PPARGC1A: variants seen among roughly 807,000 people sequenced by gnomAD.
The protein encoded by PPARGC1A is PPARG coactivator 1 alpha, also known as peroxisome proliferator-activated receptor gamma coactivator 1-alpha.
Under a neutral mutation model 88.7 loss-of-function variants are expected in PPARGC1A, and 25 were observed. The ratio of observed to expected loss-of-function variants is 0.28; its 90% CI spans 0.21 to 0.39. The LOEUF is 0.39. PPARGC1A is among the 10% of genes least tolerant of loss of function. The pLI, the probability that PPARGC1A is intolerant of heterozygous loss-of-function variation, is 1.00. For synonymous variants in PPARGC1A, 363 were observed against 355.6 expected (o/e 1.02, Z -0.24); for missense variants, 880 against 968.7 (o/e 0.91, Z 1.22).
chr4:23,910,584 G>A, the PPARGC1A span, among the ~76,000 whole-genome samples: 2 of 148,996 alleles, frequency 1.3e-5, no homozygotes, highest in South Asian at 2.1e-4. Flanking sequence ...GGGATAAGAG[G>A]TAGGTGCCAC....
At chr4:24,144,239 T>C in the PPARGC1A span, among the ~76,000 whole-genome samples, 1 of 152,228 alleles carries the variant, frequency 6.6e-6, no homozygotes, top group South Asian at 2.1e-4. Context: ...GTAACTGTTT[T>C]GATTACCTTA....
At chr4:24,298,833 T>G in the PPARGC1A span, among the ~76,000 whole-genome samples, 3 of 152,322 alleles carry the variant, frequency 2.0e-5, no homozygotes, top group South Asian at 6.2e-4. Context: ...CTGGTATCTG[T>G]CGTACAAATT....
At chr4:24,149,654 A>G in the PPARGC1A span, among the ~76,000 whole-genome samples, 16 of 152,186 alleles carry the variant, frequency 1.1e-4, no homozygotes, top group Non-Finnish European at 1.9e-4. Flanking sequence ...CTAATGGTCC[A>G]ATAGATGCAG....
upstream of PPARGC1A, among the ~76,000 whole-genome samples, chr4:23,892,132 T>C (rs531019534): frequency 6.6e-6 from 1 of 152,348 alleles, no homozygotes; most frequent in African/African-American, 2.4e-5. Flanking sequence ...GTTCTTTACA[T>C]TAGAACAGGC....
upstream of PPARGC1A, among the ~76,000 whole-genome samples, chr4:23,894,106 C>T (rs1280367567): frequency 1.3e-5 from 2 of 152,098 alleles, no homozygotes; most frequent in Non-Finnish European, 2.9e-5. Context: ...ATCCTCAAAT[C>T]AAAGCCATAG....
chr4:24,171,184 G>C, the PPARGC1A span, among the ~76,000 whole-genome samples: 3 of 152,096 alleles, frequency 2.0e-5, no homozygotes, highest in African/African-American at 7.2e-5. Context: ...CACTGAGACC[G>C]GCGGATCGGT....
chr4:24,102,049 G>A, the PPARGC1A span, among the ~76,000 whole-genome samples: 2 of 152,226 alleles, frequency 1.3e-5, no homozygotes, highest in African/African-American at 2.4e-5. Flanking sequence ...ATGGCTGCAC[G>A]ACCCCAGGGA....
At chr4:24,244,237 C>T in the PPARGC1A span, among the ~76,000 whole-genome samples, 2 of 152,096 alleles carry the variant, frequency 1.3e-5, no homozygotes, top group Non-Finnish European at 2.9e-5. Context: ...AGGACAAAAG[C>T]AGAATTGAGC....
At chr4:24,341,939 C>T in the PPARGC1A span, among the ~76,000 whole-genome samples, 1 of 152,166 alleles carries the variant, frequency 6.6e-6, no homozygotes, top group Admixed American at 6.5e-5. Context: ...CAGCCTACGA[C>T]GGGTCTGCTC....
the PPARGC1A span, among the ~76,000 whole-genome samples, chr4:24,311,057 G>A: frequency 7.1e-6 from 1 of 140,416 alleles, no homozygotes; most frequent in Admixed American, 7.1e-5. Flanking sequence ...TAAGATATAC[G>A]ACATAGAATA....
the PPARGC1A span, among the ~76,000 whole-genome samples, chr4:24,236,375 C>T: frequency 6.6e-6 from 1 of 152,208 alleles, no homozygotes; most frequent in East Asian, 1.9e-4. Flanking sequence ...AGCAATGATA[C>T]CTCCCTTTAT....
the PPARGC1A span, among the ~76,000 whole-genome samples, chr4:24,221,800 T>C: frequency 2.4e-5 from 2 of 81,702 alleles, no homozygotes; most frequent in African/African-American, 6.1e-5. Flanking sequence ...TTCAAAAGCT[T>C]GACAATGAAT....
At chr4:24,233,351 CTCTG>C in the PPARGC1A span, among the ~76,000 whole-genome samples, 370 of 152,266 alleles carry the variant, frequency 2.4e-3, 2 homozygotes, top group African/African-American at 8.4e-3. Context: ...AGAGTTCTCT[CTCTG>C]TCTTTCTCTC....
chr4:23,887,883 C>G (rs3774903), intron 1 of PPARGC1A, among the ~76,000 whole-genome samples: 16,112 of 151,908 alleles, frequency 0.11, 1,464 homozygotes, highest in East Asian at 0.42. Context: ...GAATGACAGT[C>G]TTAGTGGGGT....
At chr4:24,070,486 C>T in the PPARGC1A span, among the ~76,000 whole-genome samples, 72 of 152,268 alleles carry the variant, frequency 4.7e-4, no homozygotes, top group African/African-American at 9.9e-4. Context: ...AAAGATCACA[C>T]ACAGAACTTG....
the PPARGC1A span, among the ~76,000 whole-genome samples, chr4:23,993,757 T>C: frequency 1.3e-5 from 2 of 152,118 alleles, no homozygotes; most frequent in Non-Finnish European, 2.9e-5. Flanking sequence ...TACTTACCAA[T>C]GAAATCACCA....
At chr4:24,303,401 C>T in the PPARGC1A span, among the ~76,000 whole-genome samples, 1 of 152,102 alleles carries the variant, frequency 6.6e-6, no homozygotes, top group Non-Finnish European at 1.5e-5. Flanking sequence ...ATTAAAGCTA[C>T]CTTTACTGGC....
the PPARGC1A span, among the ~76,000 whole-genome samples, chr4:24,350,726 C>T: frequency 2.6e-4 from 40 of 152,162 alleles, no homozygotes; most frequent in African/African-American, 9.7e-4. Flanking sequence ...CAAACTATAA[C>T]ATGGTCTCTC....
the PPARGC1A span, among the ~76,000 whole-genome samples, chr4:24,409,381 A>C: frequency 6.6e-6 from 1 of 152,238 alleles, no homozygotes; most frequent in Non-Finnish European, 1.5e-5. Context: ...CCTAGCTGAG[A>C]TTCCTTTGGC....
Sources: gnomAD v4.1 joint callset for allele counts (sites outside exome capture counted in the v4.1 genomes callset) on GRCh38, gnomAD v4.1.1 for gene constraint, MANE v1.5 for transcripts, NCBI Gene and HGNC (gene_info 2026-07-23, HGNC 2026-07-21) for gene names.